The following RGL1 variants were observed in gnomAD, a reference collection of about 807,000 sequenced individuals.
The protein encoded by RGL1 is ral guanine nucleotide dissociation stimulator-like 1.
In RGL1, 24 loss-of-function variants were observed where a neutral mutation model predicts 95.2. The observed-to-expected ratio is 0.25, with a 90% confidence interval of 0.18 to 0.35. The LOEUF is 0.35. Ranked by LOEUF, RGL1 falls within the 10% of genes least tolerant of loss-of-function variation. RGL1 has a pLI of 1.00. For missense variants in RGL1, 715 were observed against 936.3 expected, an observed-to-expected ratio of 0.76 and a Z score of 3.08; for synonymous variants, 329 against 344.9, an observed-to-expected ratio of 0.95 and a Z score of 0.51.
chr1:183,921,750 A>G (rs1475170033), intron 16 of RGL1, among the ~76,000 whole-genome samples: 1 of 152,162 alleles, frequency 6.6e-6, no homozygotes, highest in Non-Finnish European at 1.5e-5. Context: ...TAGGAGTGGG[A>G]CTGCTGAATC....
chr1:183,836,272 C>T (rs1572479893), intron 2 of RGL1, among the ~76,000 whole-genome samples: 5 of 151,202 alleles, frequency 3.3e-5, no homozygotes, highest in East Asian at 3.9e-4. Context: ...TTTTTTTAGA[C>T]GGAGTTTTGC....
At chr1:183,808,747 ATC>A (rs1319352573) in intron 2 of RGL1, among the ~76,000 whole-genome samples, 2 of 150,598 alleles carry the variant, frequency 1.3e-5, no homozygotes, top group Admixed American at 6.6e-5. Flanking sequence ...TGTTGTGATG[ATC>A]TCTCTCTCTC....
intron 2 of RGL1, among the ~76,000 whole-genome samples, chr1:183,767,492 T>C (rs146398253): frequency 9.2e-5 from 14 of 152,292 alleles, no homozygotes; most frequent in African/African-American, 3.4e-4. Flanking sequence ...AACGCCCCTA[T>C]ACATTTTGTG....
At chr1:183,638,240 T>C (rs1649680424) in intron 1 of RGL1, among the ~76,000 whole-genome samples, 1 of 152,222 alleles carries the variant, frequency 6.6e-6, no homozygotes, top group African/African-American at 2.4e-5. Flanking sequence ...ATTATTTTGA[T>C]TGCTCAGAAT....
At position 183,853,778 on chromosome 1, in the gene RGL1, T is replaced by C. The variant is rs12045677; in HGVS notation, c.347+6004T>C. 6.8e-4 allele frequency among the ~76,000 whole-genome samples: 104 copies of C among 152,074 alleles called. 4 individuals are homozygous for C. The East Asian group carries it at 0.017, about 25-fold the overall frequency. Reference sequence around the variant, plus strand: ...ACCTACTCCTTTCTGACTTGGAAGCTCTTTCCAAGTGTACAATATCACCTT... The same window carrying C: ...ACCTACTCCTTTCTGACTTGGAAGCCCTTTCCAAGTGTACAATATCACCTT... On this transcript the variant is annotated intron_variant, in intron 3 of 17. Coordinates refer to ENST00000360851, the MANE Select transcript of RGL1 (RefSeq NM_001297671.3).
rs34336567 is a variant in RGL1 at position 183,724,964 on chromosome 1, A to AACACACAC, written c.-32-17151_-32-17144dup. The stretch of plus-strand genomic sequence containing the variant: ...TCTCTCCCCCAGCTCTAGGCACCAC[A>AACACACAC]ACACACACACACACACACGGAGGGA... On this transcript the variant is annotated intron_variant, in intron 1 of 18. Coordinates refer to the RGL1 transcript ENST00000304685. The surrounding 1 kb of genome is among the most constrained non-coding windows in gnomAD (Gnocchi z 4.1). Among the ~76,000 whole-genome samples the AACACACAC allele has an allele frequency of 0.014, 2,055 of 149,784 alleles. 32 individuals carry two copies. Among genetic ancestry groups the AACACACAC allele is most frequent in the East Asian group, 0.067 (332 of 4,986 alleles).
chr1:183,774,855 T>C (rs1469272679), intron 2 of RGL1, among the ~76,000 whole-genome samples: 1 of 152,144 alleles, frequency 6.6e-6, no homozygotes, highest in South Asian at 2.1e-4. Context: ...ATTACAGATG[T>C]GAGCCACCAC....
intron 1 of RGL1, among the ~76,000 whole-genome samples, chr1:183,663,764 G>A (rs1174671): frequency 0.3 from 45,539 of 150,768 alleles, 7,345 homozygotes; most frequent in Middle Eastern, 0.38. Context: ...ACGTGCACAC[G>A]TATGTTTATT....
intron 9 of RGL1, among the ~76,000 whole-genome samples, chr1:183,893,539 A>T (rs964646304): frequency 1.6e-4 from 24 of 152,202 alleles, no homozygotes; most frequent in African/African-American, 5.8e-4. Flanking sequence ...TAGGAGTGAA[A>T]ATCAGGTAGA....
chr1:183,731,337 T>A (rs1019304592), intron 1 of RGL1, among the ~76,000 whole-genome samples: 1 of 152,206 alleles, frequency 6.6e-6, no homozygotes, highest in African/African-American at 2.4e-5. Context: ...TTTCTGCCAC[T>A]TCTTTTTAGT....
chr1:183,681,972 T>C (rs1449102723), intron 1 of RGL1, among the ~76,000 whole-genome samples: 1 of 152,230 alleles, frequency 6.6e-6, no homozygotes. Context: ...TTTATAGTAT[T>C]CTCTGATGGT....
chr1:183,879,572 A>G (rs1287043048), intron 4 of RGL1, among the ~76,000 whole-genome samples: 1 of 152,220 alleles, frequency 6.6e-6, no homozygotes, highest in Non-Finnish European at 1.5e-5. Flanking sequence ...TAAAAGATGC[A>G]TGGATTAATG....
chr1:183,762,639 A>C (rs1658751139), intron 2 of RGL1, among the ~76,000 whole-genome samples: 2 of 152,238 alleles, frequency 1.3e-5, no homozygotes, highest in South Asian at 2.1e-4. Flanking sequence ...ATATGAAAAG[A>C]AGCTCATCAT....
At chr1:183,711,508 A>G (rs1655266214) in intron 1 of RGL1, among the ~76,000 whole-genome samples, 1 of 152,144 alleles carries the variant, frequency 6.6e-6, no homozygotes, top group Non-Finnish European at 1.5e-5. Flanking sequence ...AGAGGAGTGA[A>G]ATACTATAGC....
At chr1:183,733,321 A>G (rs763251655) in intron 1 of RGL1, among the ~76,000 whole-genome samples, 2 of 152,160 alleles carry the variant, frequency 1.3e-5, no homozygotes, top group African/African-American at 2.4e-5. Flanking sequence ...AGGATTCTGT[A>G]AGATATGGCT....
At chr1:183,802,880 T>G (rs1661073988), upstream of RGL1, among the ~76,000 whole-genome samples, 1 of 152,240 alleles carries the variant, frequency 6.6e-6, no homozygotes, top group African/African-American at 2.4e-5. Flanking sequence ...AAGGCTAATG[T>G]GGTAAATAAA....
intron 2 of RGL1, among the ~76,000 whole-genome samples, chr1:183,777,208 A>C (rs1196882203): frequency 6.6e-6 from 1 of 152,208 alleles, no homozygotes; most frequent in Non-Finnish European, 1.5e-5. Context: ...TTGTAAGTAC[A>C]TAAGCTTTGT....
intron 1 of RGL1, among the ~76,000 whole-genome samples, chr1:183,711,055 C>T (rs1458962368): frequency 6.6e-6 from 1 of 152,134 alleles, no homozygotes; most frequent in Admixed American, 6.5e-5. Context: ...TTGAATTTAT[C>T]CTGAGCTCCT....
intron 4 of RGL1, among the ~76,000 whole-genome samples, chr1:183,869,108 T>G (rs912796558): frequency 3.3e-5 from 5 of 152,114 alleles, no homozygotes; most frequent in African/African-American, 1.2e-4. Flanking sequence ...ACAGAGTGAG[T>G]GAGACCTTGT....
Sources: allele counts gnomAD v4.1 joint callset (sites outside exome capture counted in the v4.1 genomes callset), GRCh38; gene constraint gnomAD v4.1.1; non-coding constraint Gnocchi (gnomAD v3.1); transcripts MANE v1.5; gene names NCBI Gene and HGNC (gene_info 2026-07-23, HGNC 2026-07-21).